The following GRIN2A variants were observed in gnomAD, a reference collection of about 807,000 sequenced individuals.
GRIN2A encodes the protein glutamate receptor ionotropic, NMDA 2A.
Under a neutral mutation model 113.4 loss-of-function variants are expected in GRIN2A, and 22 were observed. The ratio of observed to expected loss-of-function variants is 0.19; its 90% confidence interval spans 0.14 to 0.28. The LOEUF is 0.28. GRIN2A is among the 10% of genes least tolerant of loss of function. The probability of loss-of-function intolerance (pLI) is 1.00; values close to 1 mark genes in which losing one functional copy is unlikely to be tolerated. For synonymous variants in GRIN2A, 827 were observed against 738.4 expected (o/e 1.12, Z -1.94); for missense variants, 1,502 against 1,887.0 (o/e 0.80, Z 3.78).
chr16:10,038,710 T>A (rs1270878846), intron 2 of GRIN2A, among the ~76,000 whole-genome samples: 1 of 150,870 alleles, frequency 6.6e-6, no homozygotes, highest in Non-Finnish European at 1.5e-5. Flanking sequence ...TACCCGGGCA[T>A]GGCAGCAGGC....
chr16:10,055,936 T>C (rs2047450555), intron 2 of GRIN2A, among the ~76,000 whole-genome samples: 1 of 152,178 alleles, frequency 6.6e-6, no homozygotes, highest in African/African-American at 2.4e-5. Context: ...ACCCAACATT[T>C]AAGTTCTTTC....
intron 2 of GRIN2A, among the ~76,000 whole-genome samples, chr16:10,152,778 C>T (rs1177162667): frequency 2.0e-5 from 3 of 152,130 alleles, no homozygotes; most frequent in African/African-American, 7.2e-5. Context: ...TGACATCAAG[C>T]CGTGAAAAGA....
intron 11 of GRIN2A, among the ~76,000 whole-genome samples, chr16:9,788,917 A>AT (rs989755665): frequency 2.7e-5 from 4 of 150,566 alleles, no homozygotes; most frequent in Non-Finnish European, 5.9e-5. Context: ...TAATTTTTGT[A>AT]TTTTTTAGTA....
At chr16:10,051,680 G>A (rs62033410) in intron 2 of GRIN2A, among the ~76,000 whole-genome samples, 2 of 152,112 alleles carry the variant, frequency 1.3e-5, no homozygotes, top group African/African-American at 4.8e-5. Flanking sequence ...TCCAGGGAGA[G>A]AGAACTGCAT....
At chr16:10,084,310 T>A (rs1459232658) in intron 2 of GRIN2A, among the ~76,000 whole-genome samples, 1 of 152,156 alleles carries the variant, frequency 6.6e-6, no homozygotes, top group Non-Finnish European at 1.5e-5. Flanking sequence ...CTCAGCACTT[T>A]AAGCATGGGG....
At chr16:10,164,415 G>C (rs2049867613) in intron 2 of GRIN2A, among the ~76,000 whole-genome samples, 1 of 152,210 alleles carries the variant, frequency 6.6e-6, no homozygotes, top group Admixed American at 6.5e-5. Context: ...CTTTTTTAGA[G>C]AAAGGAACAA....
intron 3 of GRIN2A, among the ~76,000 whole-genome samples, chr16:9,909,918 C>G (rs2044100811): frequency 6.6e-6 from 1 of 152,190 alleles, no homozygotes; most frequent in South Asian, 2.1e-4. Flanking sequence ...GCTTACAGAT[C>G]TAGCAAAAAG....
chr16:9,876,817 G>A (rs1182633638), intron 4 of GRIN2A, among the ~76,000 whole-genome samples: 1 of 152,172 alleles, frequency 6.6e-6, no homozygotes, highest in Non-Finnish European at 1.5e-5. Flanking sequence ...TTTATTAGAT[G>A]ATTAATCTTT....
chr16:9,769,753 T>C (rs1222078285), intron 11 of GRIN2A, among the ~76,000 whole-genome samples: 1 of 152,186 alleles, frequency 6.6e-6, no homozygotes, highest in African/African-American at 2.4e-5. Flanking sequence ...TAGTAAGTTT[T>C]CATAAGCAGT....
At chr16:10,177,098 T>A (rs1284763422) in intron 2 of GRIN2A, among the ~76,000 whole-genome samples, 2 of 151,758 alleles carry the variant, frequency 1.3e-5, no homozygotes, top group Non-Finnish European at 2.9e-5. Context: ...CAAGGCAGAG[T>A]TTTAAACAAT....
chr16:9,974,260 C>T (rs2045733171), intron 2 of GRIN2A, among the ~76,000 whole-genome samples: 1 of 152,122 alleles, frequency 6.6e-6, no homozygotes, highest in Admixed American at 6.5e-5. Context: ...AGGAACCAGA[C>T]CCAAAACCAA....
intron 2 of GRIN2A, among the ~76,000 whole-genome samples, chr16:9,979,809 A>G (rs1188922377): frequency 6.7e-5 from 9 of 133,430 alleles, no homozygotes; most frequent in Middle Eastern, 4.0e-3. Context: ...ATATATATAT[A>G]TATGTATATG....
In GRIN2A at chr16:10,063,543, ATTCT is replaced by A. The variant is rs2047591324; in HGVS notation, c.414+116451_414+116454del. Among the ~76,000 whole-genome samples, 4 of 152,332 alleles carry A rather than the reference ATTCT, an allele frequency of 2.6e-5. No homozygotes were observed. In the South Asian group the frequency reaches 8.3e-4, roughly 32 times the overall value. ...TTCTTTAACATGAGAAGGAAATAAAATTCTTACTTAAGCCATTGATAATCTGGAT... is the reference window on the plus strand; with the variant it reads ...TTCTTTAACATGAGAAGGAAATAAAATACTTAAGCCATTGATAATCTGGAT... On this transcript the variant is annotated intron_variant, in intron 2 of 12. Transcript: ENST00000330684.
rs371718754 is a variant in GRIN2A at position 10,096,245 on chromosome 16, G to C, written c.414+83753C>G. Among the ~76,000 whole-genome samples, 11 of 152,228 alleles carry C rather than the reference G, an allele frequency of 7.2e-5. No individual in the cohort carries two copies. The East Asian group carries it at 7.7e-4, about 11-fold the overall frequency. Reference sequence around the variant, plus strand: ...AGGTTGACAGCCCCTACGGGACTCAGAGGATAGTGACATTCTGACATTCTC... The same window carrying C: ...AGGTTGACAGCCCCTACGGGACTCACAGGATAGTGACATTCTGACATTCTC... On this transcript the variant is annotated intron_variant, in intron 2 of 12. Coordinates refer to ENST00000330684, the MANE Select transcript of GRIN2A (RefSeq NM_001134407.3).
At chr16:9,790,168 A>T (rs1902519829) in intron 11 of GRIN2A, among the ~76,000 whole-genome samples, 1 of 152,174 alleles carries the variant, frequency 6.6e-6, no homozygotes. Flanking sequence ...GCTGCTGACC[A>T]ATATGCCTGG....
rs367543141 is a variant in GRIN2A at position 9,834,133 on chromosome 16, T to C, written c.1749A>G (p.Gly583=). 5 of 1,613,738 alleles carry C rather than the reference T, an allele frequency of 3.1e-6. No homozygotes were observed. Among genetic ancestry groups the C allele is most frequent in the Non-Finnish European group, 4.2e-6 (5 of 1,179,598 alleles). ...TCCCTTTGGCTAAGTTTCTGTTGTA[T>C]CCAACAGGGCTGAAGTATTCAAAGA... is the stretch of plus-strand genomic sequence containing the variant. ...VFVFEYFSPV[G]YNRNLAKGKA... is the part of the protein sequence containing the mutation. The change falls in exon 8 of 13, where the codon GGA becomes GGG. Residue 583 remains glycine, a synonymous_variant. Coordinates refer to ENST00000330684, the MANE Select transcript of GRIN2A (RefSeq NM_001134407.3).
rs188425636 is a variant in GRIN2A at position 10,030,877 on chromosome 16, G to C, written c.415-92326C>G. On this transcript the variant is annotated intron_variant, in intron 2 of 12. Coordinates refer to ENST00000330684, the MANE Select transcript of GRIN2A (RefSeq NM_001134407.3). ...TTGCTGTCAAAGTGCCCACATTCTA[G>C]TGGAAAAAGCAATAAATAGATGTAT... is the stretch of plus-strand genomic sequence containing the variant. Among the ~76,000 whole-genome samples, 97 of 152,252 alleles carry C rather than the reference G, an allele frequency of 6.4e-4. 1 individual carries two copies. The highest frequency in any genetic ancestry group is 3.5e-3 in the Admixed American group (54 of 15,294).
chr16:9,821,753 A>G (rs931710168), intron 10 of GRIN2A, among the ~76,000 whole-genome samples: 4 of 152,168 alleles, frequency 2.6e-5, no homozygotes, highest in Admixed American at 2.6e-4. Context: ...CAATGCCAAC[A>G]GACAGAGAGG....
intron 2 of GRIN2A, among the ~76,000 whole-genome samples, chr16:10,077,880 T>C (rs1239490736): frequency 6.6e-6 from 1 of 152,210 alleles, no homozygotes; most frequent in Admixed American, 6.5e-5. Context: ...CGTGGCATCA[T>C]ATTTAAGACT....
Sources: allele counts gnomAD v4.1 joint callset (sites outside exome capture counted in the v4.1 genomes callset), GRCh38; gene constraint gnomAD v4.1.1; transcripts MANE v1.5; gene names NCBI Gene and HGNC (gene_info 2026-07-23, HGNC 2026-07-21).